DOCK1: variants seen among roughly 807,000 people sequenced by gnomAD.
DOCK1 encodes the protein dedicator of cytokinesis 1, also known as dedicator of cytokinesis protein 1.
In DOCK1, 138 loss-of-function variants were observed where a neutral mutation model predicts 262.7. The observed-to-expected ratio is 0.53, with a 90% CI of 0.46 to 0.61. DOCK1 has a LOEUF of 0.61. DOCK1 is among the 20% of genes least tolerant of loss of function. The pLI is 0.00. For synonymous variants in DOCK1, 866 were observed against 867.4 expected (o/e 1.00, Z 0.03); for missense variants, 1,908 against 2,370.7 (o/e 0.80, Z 4.05).
chr10:127,107,914 C>T (rs558279158), intron 24 of DOCK1, among the ~76,000 whole-genome samples: 3 of 152,300 alleles, frequency 2.0e-5, no homozygotes, highest in South Asian at 2.1e-4. Context: ...TCTCAGTTTG[C>T]GCTTGAGCCG....
chr10:127,022,280 G>A (rs9418790), intron 13 of DOCK1, among the ~76,000 whole-genome samples: 28,654 of 151,420 alleles, frequency 0.19, 2,951 homozygotes, highest in Middle Eastern at 0.27. Flanking sequence ...CCCTAGACCC[G>A]TTTTTCCTCC....
chr10:127,433,250 A>G lies in DOCK1; in HGVS notation c.4915-33A>G, dbSNP rs987259000. The G allele has an allele frequency of 5.0e-6, 8 of 1,609,206 alleles. No individual in the cohort carries two copies. In the Admixed American group the frequency reaches 1.0e-4, roughly 20 times the overall value. ...TGACCATGGCAGGCACAGGCATCAA[A>G]CAAGTCTCCTTCTCTCTCTTTCTCG... is the stretch of plus-strand genomic sequence containing the variant. On this transcript the variant is annotated intron_variant, in intron 47 of 51. Transcript: ENST00000623213.
In DOCK1 at chr10:127,260,685, G is replaced by T. The variant is rs530998619; in HGVS notation, c.3044+3256G>T. Among the ~76,000 whole-genome samples, 22 of 144,906 alleles carry T rather than the reference G, an allele frequency of 1.5e-4. No homozygotes were observed. The South Asian group carries it at 4.8e-3, about 31-fold the overall frequency. ...TGTCCCTGCATGTGTGTGCATGTGG[G>T]TGTGTGTGTACTCGTGCTCATCTGT... On this transcript the variant is annotated intron_variant, in intron 29 of 51. Coordinates refer to ENST00000623213, the MANE Select transcript of DOCK1 (RefSeq NM_001290223.2).
At chr10:126,952,171 T>C (rs2036307946) in intron 1 of DOCK1, among the ~76,000 whole-genome samples, 1 of 152,012 alleles carries the variant, frequency 6.6e-6, no homozygotes, top group Admixed American at 6.6e-5. Flanking sequence ...ATATAGGGTG[T>C]ACACCAAGTA....
At chr10:127,415,724 C>T (rs4751364) in intron 44 of DOCK1, among the ~76,000 whole-genome samples, 14,177 of 152,134 alleles carry the variant, frequency 0.093, 773 homozygotes, top group South Asian at 0.16. Context: ...AAAGAAATAA[C>T]GATTTCCAGC....
intron 32 of DOCK1, 92 bp from the exon 33 acceptor site, chr10:127,361,972 C>T: frequency 7.4e-7 from 1 of 1,344,410 alleles, no homozygotes; most frequent in Non-Finnish European, 9.9e-7. Context: ...CTCAAAGTCA[C>T]AGTGATCTGT....
In DOCK1 at chr10:127,183,706, C is replaced by T. The variant is rs192603502; in HGVS notation, c.2847+55942C>T. ...CTATTCATTGCAAGTGTGCACAGAGCGAAATTTTAGCATTCATAACACAAA... is the reference window on the plus strand; with the variant it reads ...CTATTCATTGCAAGTGTGCACAGAGTGAAATTTTAGCATTCATAACACAAA... On this transcript the variant is annotated intron_variant, in intron 27 of 51. Coordinates refer to ENST00000623213, the MANE Select transcript of DOCK1 (RefSeq NM_001290223.2). Among the ~76,000 whole-genome samples the T allele has an allele frequency of 6.0e-3, 908 of 152,070 alleles. 8 individuals carry two copies. Among genetic ancestry groups the T allele is most frequent in the Non-Finnish European group, 9.8e-3 (665 of 67,984 alleles).
chr10:126,978,050 C>A (rs1350474474), intron 3 of DOCK1, 62 bp downstream of exon 3: 11 of 1,478,090 alleles, frequency 7.4e-6, no homozygotes, highest in South Asian at 2.3e-5. Context: ...GAGAGGAAAT[C>A]AATTCCATCT....
intron 51 of DOCK1, among the ~76,000 whole-genome samples, chr10:127,449,682 G>T (rs72843751): frequency 0.073 from 11,042 of 152,186 alleles, 559 homozygotes; most frequent in Non-Finnish European, 0.1. Context: ...TTCCTGGGGT[G>T]CCTCCCTTTG....
At chr10:126,988,705 A>G (rs1175022552) in intron 5 of DOCK1, among the ~76,000 whole-genome samples, 1 of 152,184 alleles carries the variant, frequency 6.6e-6, no homozygotes, top group Non-Finnish European at 1.5e-5. Context: ...CCTTTTACAA[A>G]ACTTAAATTT....
At chr10:127,431,478 G>T (rs2069285975) in intron 47 of DOCK1, among the ~76,000 whole-genome samples, 1 of 152,208 alleles carries the variant, frequency 6.6e-6, no homozygotes, top group Admixed American at 6.5e-5. Flanking sequence ...TATGTATGGG[G>T]TAAGGTTTTC....
At chr10:127,442,253 C>T (rs891037735) in intron 49 of DOCK1, among the ~76,000 whole-genome samples, 1 of 152,132 alleles carries the variant, frequency 6.6e-6, no homozygotes, top group Non-Finnish European at 1.5e-5. Flanking sequence ...CTGGCCCTGG[C>T]ACAGCTGACT....
intron 24 of DOCK1, among the ~76,000 whole-genome samples, chr10:127,109,951 CTG>C (rs2048766480): frequency 6.6e-6 from 1 of 152,056 alleles, no homozygotes; most frequent in Admixed American, 6.6e-5. Context: ...AGTGGCTGTG[CTG>C]TGTTACCTTC....
chr10:127,052,829 C>T lies in DOCK1; in HGVS notation c.2336+14C>T, dbSNP rs1449996788. On this transcript the variant is annotated intron_variant, in intron 22 of 51. Transcript: ENST00000623213. ...CCTGTTCAATCAGTGCGTACCTATC[C>T]CCTCCATGCCCGGGCTCTCAGAGGA... 2.1e-5 allele frequency: 33 copies of T among 1,601,572 alleles called. No homozygotes were observed. In the East Asian group the frequency reaches 7.2e-4, roughly 35 times the overall value.
At chr10:127,408,189 T>A (rs552002331) in intron 40 of DOCK1, among the ~76,000 whole-genome samples, 1 of 151,838 alleles carries the variant, frequency 6.6e-6, no homozygotes, top group Non-Finnish European at 1.5e-5. Flanking sequence ...CCTACTTAAC[T>A]CCCCTCCCCG....
intron 29 of DOCK1, among the ~76,000 whole-genome samples, chr10:127,273,557 C>T (rs2135205297): frequency 6.6e-6 from 1 of 152,300 alleles, no homozygotes; most frequent in Admixed American, 6.5e-5. Context: ...CCATCTGATG[C>T]TGTAGCATAC....
intron 1 of DOCK1, among the ~76,000 whole-genome samples, chr10:126,921,480 G>C (rs1457740537): frequency 6.6e-6 from 1 of 152,158 alleles, no homozygotes; most frequent in Non-Finnish European, 1.5e-5. Context: ...ATGTGATTCT[G>C]TTTATATGAA....
At chr10:127,432,968 C>T (rs1199685425) in intron 47 of DOCK1, among the ~76,000 whole-genome samples, 2 of 152,194 alleles carry the variant, frequency 1.3e-5, no homozygotes, top group African/African-American at 4.8e-5. Flanking sequence ...CTACATTAAA[C>T]TTTCTGGTCG....
chr10:127,023,194 C>G lies in DOCK1; in HGVS notation c.1328-6C>G. 6.2e-7 allele frequency: 1 copy of G among 1,612,952 alleles called. No individual in the cohort carries two copies. Among genetic ancestry groups the G allele is most frequent in the African/African-American group, 1.3e-5 (1 of 74,972 alleles). Reference sequence around the variant, plus strand: ...TTTTTTAAATGTATGATTTCTCCCCCCTCAGGTGATGTTCGAAATGATATC... The same window carrying G: ...TTTTTTAAATGTATGATTTCTCCCCGCTCAGGTGATGTTCGAAATGATATC... On this transcript the variant is annotated splice_polypyrimidine_tract_variant and splice_region_variant and intron_variant, in intron 13 of 51. Coordinates refer to ENST00000623213, the MANE Select transcript of DOCK1 (RefSeq NM_001290223.2).
Sources: gnomAD v4.1 joint callset for allele counts (sites outside exome capture counted in the v4.1 genomes callset) on GRCh38, gnomAD v4.1.1 for gene constraint, MANE v1.5 for transcripts, NCBI Gene and HGNC (gene_info 2026-07-23, HGNC 2026-07-21) for gene names.